The following NRXN1 variants were observed in gnomAD, a reference collection of about 807,000 sequenced individuals.
NRXN1 encodes neurexin 1, also known as neurexin-1.
A neutral mutation model predicts 150.9 loss-of-function variants in NRXN1; 39 were observed. The ratio of observed to expected loss-of-function variants is 0.26; its 90% CI spans 0.20 to 0.34. NRXN1 has a LOEUF of 0.34. NRXN1 is among the 10% of genes least tolerant of loss of function. The probability of loss-of-function intolerance (pLI) is 1.00; values close to 1 mark genes in which losing one functional copy is unlikely to be tolerated. For missense variants in NRXN1, 1,815 were observed against 1,949.9 expected (o/e 0.93, Z 1.30); for synonymous variants, 924 against 757.0 (o/e 1.22, Z -3.62).
intron 5 of NRXN1, among the ~76,000 whole-genome samples, chr2:50,889,833 A>G (rs1180817886): frequency 6.6e-6 from 1 of 151,710 alleles, no homozygotes; most frequent in Non-Finnish European, 1.5e-5. Context: ...ATATATAACC[A>G]CTTTTATTAA....
At chr2:50,902,998 T>C (rs1357095392) in intron 5 of NRXN1, among the ~76,000 whole-genome samples, 1 of 152,146 alleles carries the variant, frequency 6.6e-6, no homozygotes, top group African/African-American at 2.4e-5. Context: ...AAAACAAGTA[T>C]TTATGAATAA....
At chr2:50,698,878 T>C (rs1159063024) in intron 5 of NRXN1, among the ~76,000 whole-genome samples, 1 of 152,210 alleles carries the variant, frequency 6.6e-6, no homozygotes, top group Non-Finnish European at 1.5e-5. Flanking sequence ...ATGTTTGAAG[T>C]ACACTTTAAA....
At chr2:50,584,592 G>C (rs982469901) in intron 8 of NRXN1, among the ~76,000 whole-genome samples, 1 of 152,204 alleles carries the variant, frequency 6.6e-6, no homozygotes, top group South Asian at 2.1e-4. Context: ...GCTATTCTAT[G>C]TTGACATCAA....
chr2:50,891,460 C>T (rs915604509), intron 5 of NRXN1, among the ~76,000 whole-genome samples: 3 of 151,956 alleles, frequency 2.0e-5, no homozygotes, highest in Admixed American at 6.6e-5. Flanking sequence ...TAAATATACA[C>T]GAGTATTTTA....
intron 2 of NRXN1, among the ~76,000 whole-genome samples, chr2:50,999,638 C>T (rs747154654): frequency 3.3e-4 from 50 of 151,954 alleles, no homozygotes; most frequent in Non-Finnish European, 5.9e-4. Flanking sequence ...AAAGAACCTA[C>T]GTGAAATATC....
intron 17 of NRXN1, among the ~76,000 whole-genome samples, chr2:50,284,375 GC>G (rs2071844970): frequency 2.0e-5 from 3 of 152,072 alleles, no homozygotes; most frequent in Non-Finnish European, 2.9e-5. Context: ...CCCTATGGAG[GC>G]CTTTGCTGGC....
At chr2:50,392,985 T>C (rs1572805220) in intron 17 of NRXN1, among the ~76,000 whole-genome samples, 1 of 152,120 alleles carries the variant, frequency 6.6e-6, no homozygotes, top group Middle Eastern at 3.4e-3. Context: ...TCTTTAAAAT[T>C]TGGATGACAT....
intron 8 of NRXN1, among the ~76,000 whole-genome samples, chr2:50,569,078 G>A (rs1386847749): frequency 6.6e-6 from 1 of 152,072 alleles, no homozygotes; most frequent in African/African-American, 2.4e-5. Context: ...ACCTATTTCT[G>A]GGAGCTAAAA....
intron 12 of NRXN1, among the ~76,000 whole-genome samples, chr2:50,511,815 T>C (rs892830615): frequency 6.6e-6 from 1 of 152,106 alleles, no homozygotes; most frequent in African/African-American, 2.4e-5. Context: ...CAAAAGATGG[T>C]AGATTTTTGG....
intron 19 of NRXN1, among the ~76,000 whole-genome samples, chr2:50,057,808 C>A (rs1693880213): frequency 6.6e-6 from 1 of 152,152 alleles, no homozygotes. Context: ...CTAAGCCTCC[C>A]TTTGCACTTT....
chr2:50,735,083 T>C lies in NRXN1; in HGVS notation c.833-111468A>G, dbSNP rs551762355. 1.4e-4 allele frequency among the ~76,000 whole-genome samples: 21 copies of C among 152,328 alleles called. 1 individual carries two copies. In the South Asian group the frequency reaches 2.3e-3, roughly 17 times the overall value. ...GTGAAATGGTGTTAGACTATTCTCA[T>C]TAACTTTTAAAAGCTTAAAGAAAAG... On this transcript the variant is annotated intron_variant, in intron 5 of 22. Transcript: ENST00000401669.
intron 17 of NRXN1, among the ~76,000 whole-genome samples, chr2:50,249,935 G>C (rs2066887163): frequency 1.3e-5 from 2 of 152,014 alleles, no homozygotes; most frequent in Non-Finnish European, 2.9e-5. Flanking sequence ...ACCGTGCCTG[G>C]CCCAGATTTC....
chr2:50,569,719 T>C (rs1386364198), intron 8 of NRXN1, among the ~76,000 whole-genome samples: 1 of 152,130 alleles, frequency 6.6e-6, no homozygotes, highest in East Asian at 1.9e-4. Context: ...TGGATACTAA[T>C]TCTGCAGCTC....
intron 18 of NRXN1, among the ~76,000 whole-genome samples, chr2:50,158,972 G>A (rs1040720956): frequency 1.3e-5 from 2 of 152,014 alleles, no homozygotes; most frequent in African/African-American, 2.4e-5. Context: ...TTCATCACAC[G>A]CAAGGTAACT....
At chr2:49,955,896 C>T (rs1196400842) in intron 21 of NRXN1, among the ~76,000 whole-genome samples, 1 of 151,944 alleles carries the variant, frequency 6.6e-6, no homozygotes, top group Non-Finnish European at 1.5e-5. Context: ...CATTTGTACT[C>T]ATTTGTTGAA....
chr2:50,374,898 T>C (rs2080370563), intron 17 of NRXN1, among the ~76,000 whole-genome samples: 1 of 152,178 alleles, frequency 6.6e-6, no homozygotes, highest in Admixed American at 6.6e-5. Context: ...TCTTAAGTTA[T>C]GGAATGCAGC....
intron 18 of NRXN1, among the ~76,000 whole-genome samples, chr2:50,154,154 A>T (rs1176431847): frequency 2.0e-5 from 3 of 151,674 alleles, no homozygotes; most frequent in African/African-American, 7.3e-5. Context: ...TCCTTTTTTT[A>T]GATCTTCCCA....
intron 17 of NRXN1, among the ~76,000 whole-genome samples, chr2:50,443,460 CTTA>C (rs2086142397): frequency 6.6e-6 from 1 of 152,118 alleles, no homozygotes; most frequent in African/African-American, 2.4e-5. Flanking sequence ...AGCTCATGTT[CTTA>C]TTATCTGTTT....
chr2:50,732,216 G>C lies in NRXN1; in HGVS notation c.833-108601C>G, dbSNP rs539247738. 2.0e-5 allele frequency among the ~76,000 whole-genome samples: 3 copies of C among 152,116 alleles called. No individual in the cohort carries two copies. In the East Asian group the frequency reaches 5.8e-4, roughly 29 times the overall value. ...TGCCTATACATATGAAAAAAATTGT[G>C]TGTTTTCTTCCTAGAATAAAGAAAA... On this transcript the variant is annotated intron_variant, in intron 5 of 22. Coordinates refer to ENST00000401669, the MANE Select transcript of NRXN1 (RefSeq NM_001330078.2).
Sources: gnomAD v4.1 joint callset for allele counts (sites outside exome capture counted in the v4.1 genomes callset) on GRCh38, gnomAD v4.1.1 for gene constraint, MANE v1.5 for transcripts, NCBI Gene and HGNC (gene_info 2026-07-23, HGNC 2026-07-21) for gene names.